Variants in MAST2 observed in about 807,000 individuals in gnomAD.
The protein encoded by MAST2 is microtubule-associated serine/threonine-protein kinase 2.
In MAST2, 70 loss-of-function variants were observed where a neutral mutation model predicts 147.4. The observed-to-expected ratio is 0.47, with a 90% confidence interval of 0.39 to 0.58. The LOEUF is 0.58. Among genes scored for constraint, MAST2 ranks in the 20% least tolerant of loss-of-function variants. The probability of loss-of-function intolerance (pLI) is 0.00; values close to 1 mark genes in which losing one functional copy is unlikely to be tolerated. For missense variants in MAST2, 2,080 were observed against 2,302.3 expected (o/e 0.90, Z 1.98); for synonymous variants, 869 against 896.8 (o/e 0.97, Z 0.55).
At chr1:45,871,043 G>A (rs942453747) in intron 3 of MAST2, among the ~76,000 whole-genome samples, 1 of 147,694 alleles carries the variant, frequency 6.8e-6, no homozygotes, top group African/African-American at 2.5e-5. Flanking sequence ...TTTGCTTTTG[G>A]TATATCTCTT....
At chr1:45,876,458 T>C (rs1395570488) in intron 3 of MAST2, among the ~76,000 whole-genome samples, 1 of 152,144 alleles carries the variant, frequency 6.6e-6, no homozygotes, top group African/African-American at 2.4e-5. Flanking sequence ...CAAGAGATAA[T>C]GAGTAGATCA....
intron 5 of MAST2, among the ~76,000 whole-genome samples, chr1:45,972,744 C>T (rs1432744511): frequency 6.6e-6 from 1 of 152,176 alleles, no homozygotes; most frequent in East Asian, 1.9e-4. Flanking sequence ...CTTATCCCTC[C>T]CTGACTCTGG....
intron 3 of MAST2, among the ~76,000 whole-genome samples, chr1:45,870,514 TTATA>T (rs35057731): frequency 7.4e-5 from 11 of 148,080 alleles, no homozygotes; most frequent in Admixed American, 6.7e-4. Flanking sequence ...ATCAATTTGT[TTATA>T]TATATATATA....
chr1:45,861,771 A>C (rs1335326184), intron 3 of MAST2, among the ~76,000 whole-genome samples: 1 of 152,062 alleles, frequency 6.6e-6, no homozygotes, highest in African/African-American at 2.4e-5. Context: ...TGCAAGCTGG[A>C]AGAGTTGTCT....
intron 4 of MAST2, among the ~76,000 whole-genome samples, chr1:45,930,873 C>G (rs778672068): frequency 6.6e-6 from 1 of 151,932 alleles, no homozygotes; most frequent in Non-Finnish European, 1.5e-5. Flanking sequence ...TGACAGAGAC[C>G]ACATGTGACC....
chr1:46,012,177 G>A (rs537520415), intron 10 of MAST2, among the ~76,000 whole-genome samples: 4 of 152,312 alleles, frequency 2.6e-5, no homozygotes, highest in South Asian at 2.1e-4. Context: ...ATGGAAAGGG[G>A]TACCCCAGAG....
In MAST2 at chr1:46,019,626, G is replaced by A; in HGVS notation, c.1219G>A (p.Ala407Thr). 6.2e-7 allele frequency: 1 copy of A among 1,614,136 alleles called. No individual in the cohort carries two copies. Among genetic ancestry groups the A allele is most frequent in the Non-Finnish European group, 8.5e-7 (1 of 1,180,024 alleles). ...TGAGCGCTCAGAGAGCTCAGAAGTG[G>A]CTTTTGTGATGCAGCTGGTGAAAAA... ...AHERSESSEVAFVMQLVKKLM... is the reference protein window; with the variant it reads ...AHERSESSEVTFVMQLVKKLM... The change falls in exon 11 of 29, where the codon GCT (alanine) becomes ACT (threonine). Residue 407 changes from alanine to threonine, a missense_variant. Around this residue, in one of 4 missense-constraint regions of MAST2, gnomAD observed 569 missense variants for 642.5 expected, o/e 0.89. Coordinates refer to ENST00000361297, the MANE Select transcript of MAST2 (RefSeq NM_015112.3).
At chr1:45,889,114 A>G (rs1647271938) in intron 4 of MAST2, among the ~76,000 whole-genome samples, 1 of 152,168 alleles carries the variant, frequency 6.6e-6, no homozygotes, top group Admixed American at 6.5e-5. Context: ...CTACCTAACT[A>G]TCATACAATA....
intron 9 of MAST2, among the ~76,000 whole-genome samples, chr1:46,009,544 C>G (rs4660908): frequency 1 from 152,131 of 152,368 alleles, 75,951 homozygotes; most frequent in Non-Finnish European, 1. Flanking sequence ...AAACACCTAG[C>G]AATTCATTTT....
At chr1:45,857,705 C>G (rs530668192) in intron 3 of MAST2, among the ~76,000 whole-genome samples, 57 of 152,220 alleles carry the variant, frequency 3.7e-4, no homozygotes, top group Non-Finnish European at 7.4e-4. Context: ...CACCCATTAA[C>G]TTGTCATTTA....
intron 5 of MAST2, among the ~76,000 whole-genome samples, chr1:45,979,336 T>TA (rs1013854777): frequency 7.0e-4 from 106 of 152,326 alleles, no homozygotes; most frequent in African/African-American, 2.5e-3. Context: ...AATCATCACT[T>TA]ACCTTTGAAC....
At chr1:45,979,572 TCA>T (rs1644316221) in intron 5 of MAST2, among the ~76,000 whole-genome samples, 1 of 152,128 alleles carries the variant, frequency 6.6e-6, no homozygotes, top group Admixed American at 6.5e-5. Flanking sequence ...GCACAGTGAC[TCA>T]CACCTGTAAT....
intron 10 of MAST2, among the ~76,000 whole-genome samples, chr1:46,011,494 A>G (rs1488340152): frequency 6.6e-6 from 1 of 152,188 alleles, no homozygotes; most frequent in African/African-American, 2.4e-5. Flanking sequence ...GATGGCCAAG[A>G]CCAAAGCACA....
intron 4 of MAST2, among the ~76,000 whole-genome samples, chr1:45,914,646 G>A (rs1386161501): frequency 6.6e-6 from 1 of 152,128 alleles, no homozygotes; most frequent in African/African-American, 2.4e-5. Flanking sequence ...AGACAGACAG[G>A]CTTCTTCAGT....
intron 5 of MAST2, among the ~76,000 whole-genome samples, chr1:45,970,752 G>A (rs891586105): frequency 2.0e-5 from 3 of 148,524 alleles, no homozygotes; most frequent in Admixed American, 1.3e-4. Flanking sequence ...AGTTTTGGGG[G>A]CAGTGGTTCA....
chr1:46,034,015 G>A, intron 27 of MAST2, 58 bp from the exon 28 acceptor site: 1 of 1,605,226 alleles, frequency 6.2e-7, no homozygotes, highest in Non-Finnish European at 8.5e-7. Flanking sequence ...TGGCCCTGGG[G>A]GTCCAGTGTG....
intron 16 of MAST2, 149 bp downstream of exon 16, chr1:46,025,964 C>A: frequency 6.8e-6 from 6 of 880,992 alleles, no homozygotes; most frequent in Admixed American, 2.2e-5. Flanking sequence ...GTTCTCTAGC[C>A]CCCCGACCAC....
intron 5 of MAST2, among the ~76,000 whole-genome samples, chr1:45,988,711 C>T (rs1040109763): frequency 6.6e-6 from 1 of 152,164 alleles, no homozygotes; most frequent in African/African-American, 2.4e-5. Flanking sequence ...CTAGATCAGA[C>T]TGTAATCCAT....
In MAST2 at chr1:45,819,728, C is replaced by T. The variant is rs185144817; in HGVS notation, c.178-4705C>T. 2.3e-3 allele frequency among the ~76,000 whole-genome samples: 344 copies of T among 152,180 alleles called. 3 individuals are homozygous for T. Among genetic ancestry groups the T allele is most frequent in the African/African-American group, 7.6e-3 (316 of 41,528 alleles). ...AAAAAATGAAAAGATATTTCATGTT[C>T]ATGGATTGGAAAAATCACTATTAAA... is the stretch of plus-strand genomic sequence containing the variant. On this transcript the variant is annotated intron_variant, in intron 1 of 28. Coordinates refer to ENST00000361297, the MANE Select transcript of MAST2 (RefSeq NM_015112.3).
Sources: gnomAD v4.1 joint callset for allele counts (sites outside exome capture counted in the v4.1 genomes callset) on GRCh38, gnomAD v4.1.1 for gene constraint, gnomAD v4.1.1 regional missense constraint, MANE v1.5 for transcripts, NCBI Gene and HGNC (gene_info 2026-07-23, HGNC 2026-07-21) for gene names.